The following CNTN5 variants were observed in gnomAD, a reference collection of about 807,000 sequenced individuals.
The protein encoded by CNTN5 is contactin-5.
In CNTN5, 77 loss-of-function variants were observed where a neutral mutation model predicts 129.1. The ratio of observed to expected loss-of-function variants is 0.60; its 90% confidence interval spans 0.50 to 0.72. The LOEUF is 0.72. Ranked by LOEUF, CNTN5 falls within the 30% of genes least tolerant of loss-of-function variation. The probability of loss-of-function intolerance (pLI) is 0.00; values close to 1 mark genes in which losing one functional copy is unlikely to be tolerated. For missense variants in CNTN5, 1,478 were observed against 1,328.8 expected, an observed-to-expected ratio of 1.11 and a Z score of -1.75; for synonymous variants, 509 against 465.6, an observed-to-expected ratio of 1.09 and a Z score of -1.20.
intron 2 of CNTN5, among the ~76,000 whole-genome samples, chr11:99,502,489 A>G (rs1946463541): frequency 1.3e-5 from 2 of 152,058 alleles, no homozygotes; most frequent in Admixed American, 6.6e-5. Flanking sequence ...TGGTTTTATA[A>G]GGAGCTCTTC....
intron 15 of CNTN5, among the ~76,000 whole-genome samples, chr11:100,210,841 CAACTT>C (rs1949015604): frequency 6.6e-6 from 1 of 152,156 alleles, no homozygotes; most frequent in Non-Finnish European, 1.5e-5. Flanking sequence ...CTTTGGAAAT[CAACTT>C]AACTATATGG....
At chr11:100,223,976 A>G (rs969725713) in intron 15 of CNTN5, among the ~76,000 whole-genome samples, 3 of 141,790 alleles carry the variant, frequency 2.1e-5, no homozygotes, top group Non-Finnish European at 4.6e-5. Flanking sequence ...CATTTAAAAG[A>G]TATCCTCCAT....
chr11:99,541,956 CAAAA>C (rs56363127), intron 2 of CNTN5, among the ~76,000 whole-genome samples: 11 of 68,872 alleles, frequency 1.6e-4, no homozygotes, highest in South Asian at 6.4e-4. Context: ...GATCTTGTCT[CAAAA>C]AAAAAAAAAA....
intron 1 of CNTN5, among the ~76,000 whole-genome samples, chr11:99,196,812 T>C (rs113834986): frequency 6.6e-6 from 1 of 151,966 alleles, no homozygotes; most frequent in Non-Finnish European, 1.5e-5. Context: ...TAACTTAATA[T>C]GAAGATTAAA....
At chr11:99,242,427 A>T (rs1265610767) in intron 1 of CNTN5, among the ~76,000 whole-genome samples, 6 of 152,114 alleles carry the variant, frequency 3.9e-5, no homozygotes, top group Non-Finnish European at 1.5e-5. Flanking sequence ...CCTGTTAGTA[A>T]TTTATTGTCT....
At chr11:100,039,180 T>C (rs979857129) in intron 9 of CNTN5, among the ~76,000 whole-genome samples, 1 of 152,246 alleles carries the variant, frequency 6.6e-6, no homozygotes, top group African/African-American at 2.4e-5. Context: ...ACAAAATCTC[T>C]CCACATTTGC....
At chr11:99,754,041 C>T (rs61911571) in intron 3 of CNTN5, among the ~76,000 whole-genome samples, 27,749 of 150,968 alleles carry the variant, frequency 0.18, 3,404 homozygotes, top group East Asian at 0.62. Context: ...CCTTCTGATA[C>T]AACACATTTA....
chr11:99,677,036 C>G (rs1391631532), intron 3 of CNTN5, among the ~76,000 whole-genome samples: 1 of 151,986 alleles, frequency 6.6e-6, no homozygotes. Context: ...TTTCTATCTC[C>G]TACTCAATAA....
chr11:99,839,599 T>A (rs1205611036), intron 4 of CNTN5, among the ~76,000 whole-genome samples: 1 of 152,080 alleles, frequency 6.6e-6, no homozygotes, highest in Non-Finnish European at 1.5e-5. Flanking sequence ...ATATAACATC[T>A]ATGCATTTAG....
intron 1 of CNTN5, among the ~76,000 whole-genome samples, chr11:99,145,394 A>G (rs1940496): frequency 0.86 from 130,872 of 151,708 alleles, 56,858 homozygotes; most frequent in East Asian, 0.99. Flanking sequence ...TTTTCTGTAG[A>G]TGTGTCTATA....
At chr11:100,237,125 C>T (rs550421212) in intron 16 of CNTN5, among the ~76,000 whole-genome samples, 1 of 146,464 alleles carries the variant, frequency 6.8e-6, no homozygotes, top group African/African-American at 2.6e-5. Flanking sequence ...GGAGGCAGAG[C>T]TTGCAGTGAG....
chr11:99,861,321 T>C (rs575840712), intron 6 of CNTN5, among the ~76,000 whole-genome samples: 2 of 152,258 alleles, frequency 1.3e-5, no homozygotes, highest in Admixed American at 1.3e-4. Flanking sequence ...CTTGGAGAGA[T>C]CTTTCACCTT....
At chr11:99,723,482 T>C (rs1943239026) in intron 3 of CNTN5, among the ~76,000 whole-genome samples, 1 of 152,172 alleles carries the variant, frequency 6.6e-6, no homozygotes, top group South Asian at 2.1e-4. Flanking sequence ...TGCTTCCTAT[T>C]TCCCTGATAA....
intron 3 of CNTN5, among the ~76,000 whole-genome samples, chr11:99,579,057 A>C (rs531467672): frequency 1.3e-5 from 2 of 152,140 alleles, no homozygotes; most frequent in African/African-American, 4.8e-5. Context: ...ATGGCTAGCC[A>C]GTTTCCCCAG....
chr11:100,049,509 C>T (rs1270791575), intron 9 of CNTN5, among the ~76,000 whole-genome samples: 2 of 151,896 alleles, frequency 1.3e-5, no homozygotes, highest in Admixed American at 1.3e-4. Flanking sequence ...AGACTTAAAC[C>T]CAACCACAGG....
At chr11:99,607,155 A>C (rs1950446977) in intron 3 of CNTN5, among the ~76,000 whole-genome samples, 1 of 107,538 alleles carries the variant, frequency 9.3e-6, no homozygotes, top group Non-Finnish European at 2.0e-5. Context: ...ATCAGAGTGA[A>C]CAGGCAACCT....
At chr11:100,308,229 G>A in intron 20 of CNTN5, 130 bp from the exon 21 acceptor site, 1 of 764,888 alleles carries the variant, frequency 1.3e-6, no homozygotes, top group Non-Finnish European at 2.0e-6. Context: ...ATTTTGTTGT[G>A]TTTTTTATAA....
intron 4 of CNTN5, among the ~76,000 whole-genome samples, chr11:99,822,311 C>G (rs1239666098): frequency 2.0e-5 from 3 of 152,126 alleles, no homozygotes; most frequent in African/African-American, 7.2e-5. Context: ...TAAAACGCAT[C>G]TTCACCACAA....
chr11:99,486,905 A>G (rs1945839088), intron 2 of CNTN5, among the ~76,000 whole-genome samples: 1 of 152,204 alleles, frequency 6.6e-6, no homozygotes, highest in Non-Finnish European at 1.5e-5. Flanking sequence ...ATGGGAAATA[A>G]GGCTTATAGA....
Sources: allele counts gnomAD v4.1 joint callset (sites outside exome capture counted in the v4.1 genomes callset), GRCh38; gene constraint gnomAD v4.1.1; transcripts MANE v1.5; gene names NCBI Gene and HGNC (gene_info 2026-07-23, HGNC 2026-07-21).